The following HUNK variants were observed in gnomAD, a reference collection of about 807,000 sequenced individuals.
HUNK encodes the protein hormonally up-regulated Neu-associated kinase.
A neutral mutation model predicts 61.0 loss-of-function variants in HUNK; 21 were observed. That is an observed-to-expected ratio of 0.34 (90% CI 0.24 to 0.50). The LOEUF (loss-of-function observed/expected upper bound fraction) is 0.50. Ranked by LOEUF, HUNK falls within the 20% of genes least tolerant of loss-of-function variation. HUNK has a pLI of 0.98. For synonymous variants in HUNK, 371 were observed against 386.1 expected (o/e 0.96, Z 0.46); for missense variants, 772 against 945.7 (o/e 0.82, Z 2.41).
At chr21:31,874,193 G>T (rs2052240355) in intron 1 of HUNK, among the ~76,000 whole-genome samples, 1 of 144,336 alleles carries the variant, frequency 6.9e-6, no homozygotes, top group South Asian at 2.3e-4. Flanking sequence ...CCGCGCGGCC[G>T]TTCTGCTCGT....
intron 2 of HUNK, among the ~76,000 whole-genome samples, chr21:31,937,045 G>A (rs2052737606): frequency 6.6e-6 from 1 of 152,112 alleles, no homozygotes; most frequent in African/African-American, 2.4e-5. Context: ...CAGGGTTCAC[G>A]GAATCACAGT....
chr21:31,997,026 G>C (rs776963031), intron 10 of HUNK, among the ~76,000 whole-genome samples: 1 of 152,166 alleles, frequency 6.6e-6, no homozygotes, highest in African/African-American at 2.4e-5. Context: ...CTTTCATTTC[G>C]GTGCCTGTGT....
At chr21:31,949,821 G>C (rs1420027291) in intron 4 of HUNK, among the ~76,000 whole-genome samples, 1 of 152,202 alleles carries the variant, frequency 6.6e-6, no homozygotes, top group East Asian at 1.9e-4. Flanking sequence ...CGGGGGACCA[G>C]TGTGTGCAGA....
At chr21:31,938,283 C>T (rs185629022) in intron 2 of HUNK, among the ~76,000 whole-genome samples, 4 of 152,314 alleles carry the variant, frequency 2.6e-5, no homozygotes, top group South Asian at 2.1e-4. Flanking sequence ...TCTCTGCCCT[C>T]ACCTTCACAA....
Position 31,998,981 on chromosome 21 carries a change from A to T in HUNK, c.1942A>T (p.Met648Leu). 1.2e-6 allele frequency: 2 copies of T among 1,614,182 alleles called. No homozygotes were observed. Among genetic ancestry groups the T allele is most frequent in the Non-Finnish European group, 1.7e-6 (2 of 1,180,028 alleles). The change falls in exon 11 of 11, where the codon ATG becomes TTG. Residue 648 changes from methionine (M) to leucine (L), a missense_variant. Physicochemically the swap from Met to Leu is conservative, Grantham distance 15. Coordinates refer to ENST00000270112, the MANE Select transcript of HUNK (RefSeq NM_014586.2). ...CPPPVPSNGP[M>L]QPLGSPNCVK... ...ACCTCCGGTTCCCAGCAATGGCCCCATGCAGCCTCTGGGGAGCCCCAATTG... is the reference window on the plus strand; with the variant it reads ...ACCTCCGGTTCCCAGCAATGGCCCCTTGCAGCCTCTGGGGAGCCCCAATTG...
intron 1 of HUNK, among the ~76,000 whole-genome samples, chr21:31,915,901 A>G (rs1220047376): frequency 6.6e-6 from 1 of 152,092 alleles, no homozygotes; most frequent in Non-Finnish European, 1.5e-5. Context: ...GGAAATGCAT[A>G]TTGTTTTCCT....
intron 1 of HUNK, among the ~76,000 whole-genome samples, chr21:31,886,926 G>A (rs1282459291): frequency 3.3e-5 from 5 of 152,182 alleles, no homozygotes; most frequent in Non-Finnish European, 2.9e-5. Flanking sequence ...ATGAGCCACC[G>A]TGCCCGGCCA....
intron 5 of HUNK, among the ~76,000 whole-genome samples, chr21:31,962,908 T>G (rs2052938438): frequency 6.6e-6 from 1 of 152,212 alleles, no homozygotes; most frequent in Admixed American, 6.5e-5. Context: ...ATTATTTTGA[T>G]TACTCAGGAT....
Position 31,988,325 on chromosome 21 carries a change from AAAGTC to A in HUNK, c.1258-1803_1258-1799del, listed in dbSNP as rs2053147723. On this transcript the variant is annotated intron_variant, in intron 8 of 10. Transcript: ENST00000270112. ...TAGAGAGCCCAGGGCCAGTTTTATT[AAAGTC>A]TTTTGAAAAATAATGTTAATTTATA... Among the ~76,000 whole-genome samples the A allele has an allele frequency of 2.6e-5, 4 of 152,268 alleles. No individual in the cohort carries two copies. In the East Asian group the frequency reaches 7.7e-4, roughly 29 times the overall value.
intron 5 of HUNK, among the ~76,000 whole-genome samples, chr21:31,959,440 C>T (rs2052912787): frequency 6.6e-6 from 1 of 152,130 alleles, no homozygotes; most frequent in African/African-American, 2.4e-5. Context: ...GTTTTGAGCC[C>T]GTTCAAAAGC....
intron 1 of HUNK, among the ~76,000 whole-genome samples, chr21:31,876,836 AG>A (rs1423652277): frequency 6.6e-6 from 1 of 152,178 alleles, no homozygotes; most frequent in African/African-American, 2.4e-5. Flanking sequence ...TTATAAAGAC[AG>A]GGGTCTCACT....
intron 8 of HUNK, among the ~76,000 whole-genome samples, chr21:31,984,845 G>T (rs1404947448): frequency 6.6e-6 from 1 of 152,156 alleles, no homozygotes; most frequent in Non-Finnish European, 1.5e-5. Context: ...CTATTAGTCT[G>T]TTCTCACGCT....
chr21:31,984,592 T>G (rs2053120400), intron 8 of HUNK, among the ~76,000 whole-genome samples: 1 of 152,162 alleles, frequency 6.6e-6, no homozygotes, highest in Admixed American at 6.5e-5. Flanking sequence ...GAATAAAAAC[T>G]AGGCTCCTGT....
intron 1 of HUNK, among the ~76,000 whole-genome samples, chr21:31,895,910 T>C (rs1419812848): frequency 2.0e-5 from 3 of 152,176 alleles, no homozygotes; most frequent in African/African-American, 4.8e-5. Flanking sequence ...TAACCCCCAG[T>C]ATCTCAGAAG....
intron 1 of HUNK, among the ~76,000 whole-genome samples, chr21:31,884,456 G>A (rs923196983): frequency 6.6e-6 from 1 of 152,072 alleles, no homozygotes; most frequent in African/African-American, 2.4e-5. Context: ...GCCAGGCGTG[G>A]TGGTGGGCAC....
Position 31,999,223 on chromosome 21 carries a change from C to T in HUNK, c.*39C>T. On this transcript the variant is annotated 3_prime_UTR_variant, in exon 11 of 11. Coordinates refer to ENST00000270112, the MANE Select transcript of HUNK (RefSeq NM_014586.2). ...GGTTTGGGGTATCTCTAGAAAACAG[C>T]AACTGAACAGAGCTCCACACATCTG... The T allele has an allele frequency of 1.3e-6, 2 of 1,540,882 alleles. No individual in the cohort carries two copies. Among genetic ancestry groups the T allele is most frequent in the South Asian group, 1.2e-5 (1 of 80,756 alleles).
At chr21:31,888,527 G>C (rs988276298) in intron 1 of HUNK, among the ~76,000 whole-genome samples, 2 of 152,116 alleles carry the variant, frequency 1.3e-5, no homozygotes, top group South Asian at 4.2e-4. Context: ...ACTTGAGGTC[G>C]GGAGTTTGAG....
chr21:31,965,344 T>A (rs1176361893), intron 5 of HUNK, among the ~76,000 whole-genome samples: 2 of 150,800 alleles, frequency 1.3e-5, no homozygotes, highest in East Asian at 3.9e-4. Context: ...AAAAAAAACC[T>A]ATTGGGTACC....
chr21:31,965,170 C>T (rs897424767), intron 5 of HUNK, among the ~76,000 whole-genome samples: 2 of 152,080 alleles, frequency 1.3e-5, no homozygotes, highest in African/African-American at 4.8e-5. Context: ...AGCTGGAGGC[C>T]ATCATCCTTA....
Sources: allele counts gnomAD v4.1 joint callset (sites outside exome capture counted in the v4.1 genomes callset), GRCh38; gene constraint gnomAD v4.1.1; transcripts MANE v1.5; gene names NCBI Gene and HGNC (gene_info 2026-07-23, HGNC 2026-07-21).